Variants in GALNT14 observed in about 807,000 individuals in gnomAD.
The protein encoded by GALNT14 is UDP-GalNAc:polypeptide N-acetylgalactosaminyltransferase 14.
A neutral mutation model predicts 77.5 loss-of-function variants in GALNT14; 60 were observed. The observed-to-expected ratio is 0.77, with a 90% CI of 0.63 to 0.96. The LOEUF (loss-of-function observed/expected upper bound fraction) is 0.96, where lower values mean the gene tolerates loss of function less well. GALNT14 is among the 40% of genes least tolerant of loss of function. The pLI is 0.00. For synonymous variants in GALNT14, 280 were observed against 281.7 expected, an observed-to-expected ratio of 0.99 and a Z score of 0.06; for missense variants, 710 against 731.0, an observed-to-expected ratio of 0.97 and a Z score of 0.33.
the GALNT14 span, among the ~76,000 whole-genome samples, chr2:30,898,355 A>G: frequency 3.1e-4 from 47 of 152,272 alleles, no homozygotes; most frequent in African/African-American, 1.1e-3. Context: ...ACACTCACAG[A>G]CCCTGCCCTC....
chr2:30,892,033 C>T, the GALNT14 span, among the ~76,000 whole-genome samples: 1 of 152,132 alleles, frequency 6.6e-6, no homozygotes, highest in African/African-American at 2.4e-5. Context: ...TATTGCGATC[C>T]CACCAATGAA....
chr2:30,908,165 C>T (rs1201278826), downstream of GALNT14, among the ~76,000 whole-genome samples: 2 of 145,576 alleles, frequency 1.4e-5, no homozygotes, highest in South Asian at 2.3e-4. Flanking sequence ...CAGGGATGCC[C>T]TCTCTCACCA....
In GALNT14 at chr2:31,108,121, CAT is replaced by C. The variant is rs1677650343; in HGVS notation, c.129+29835_129+29836del. ...CACCATCTGCCTGGCTGTGAGCAAA[CAT>C]AGGCTCCCCAGCCAGGCAGTGTAAT... On this transcript the variant is annotated intron_variant, in intron 1 of 14. Coordinates refer to ENST00000349752, the MANE Select transcript of GALNT14 (RefSeq NM_024572.4). 1.3e-5 allele frequency among the ~76,000 whole-genome samples: 2 copies of C among 152,162 alleles called. 1 individual carries two copies. The highest frequency in any genetic ancestry group is 1.3e-4 in the Admixed American group (2 of 15,274).
chr2:30,950,075 T>G (rs1421083827), intron 6 of GALNT14, among the ~76,000 whole-genome samples: 2 of 152,192 alleles, frequency 1.3e-5, no homozygotes, highest in African/African-American at 4.8e-5. Context: ...CAAATTATTA[T>G]TTGCAAAACT....
intron 1 of GALNT14, among the ~76,000 whole-genome samples, chr2:31,128,033 G>C (rs1396881258): frequency 2.0e-5 from 3 of 152,076 alleles, no homozygotes; most frequent in African/African-American, 4.8e-5. Context: ...TTATTGTTTA[G>C]GCCATGTCAC....
chr2:30,950,448 C>T (rs1280320414), intron 6 of GALNT14, among the ~76,000 whole-genome samples: 2 of 152,172 alleles, frequency 1.3e-5, no homozygotes, highest in Non-Finnish European at 2.9e-5. Context: ...AAATCCCAAA[C>T]TCCAATTACA....
In GALNT14 at chr2:30,945,798, A is replaced by G. The variant is rs745364229; in HGVS notation, c.727T>C (p.Ser243Pro). 3 of 1,614,112 alleles carry G rather than the reference A, an allele frequency of 1.9e-6. No individual in the cohort carries two copies. In the Admixed American group the frequency reaches 5.0e-5, roughly 27 times the overall value. ...CCCAACTCACCCCCTCTGAGCTCCG[A>G]GGCAGACTCGATGTAGGTGAAGGTG... is the stretch of plus-strand genomic sequence containing the variant. Reference protein sequence around the residue: ...LDTFTYIESASELRGGFDWSL... With the variant: ...LDTFTYIESAPELRGGFDWSL... The change falls in exon 7 of 15, where the codon TCG becomes CCG. Residue 243 changes from serine (S) to proline (P), a missense_variant. Ser to Pro is a moderately conservative substitution (Grantham distance 74, BLOSUM62 -1). Transcript: ENST00000349752.
intron 1 of GALNT14, among the ~76,000 whole-genome samples, chr2:31,089,207 G>A (rs896206362): frequency 2.0e-5 from 3 of 152,052 alleles, no homozygotes; most frequent in African/African-American, 7.2e-5. Flanking sequence ...ATCTCAACTC[G>A]AGTGGGACAT....
At chr2:30,907,553 C>T (rs1429905600), downstream of GALNT14, among the ~76,000 whole-genome samples, 4 of 152,108 alleles carry the variant, frequency 2.6e-5, no homozygotes, top group African/African-American at 9.7e-5. Context: ...GGATCTGAAA[C>T]TGTGGCAATA....
At chr2:31,087,536 A>AGAGGAGCAGAGAGGAGAGG (rs1160670621) in intron 1 of GALNT14, among the ~76,000 whole-genome samples, 1 of 150,406 alleles carries the variant, frequency 6.6e-6, no homozygotes, top group Non-Finnish European at 1.5e-5. Flanking sequence ...CGAGGAGAGG[A>AGAGGAGCAGAGAGGAGAGG]AGACCTCTAG....
At chr2:31,101,490 A>T (rs572282526) in intron 1 of GALNT14, among the ~76,000 whole-genome samples, 66 of 150,374 alleles carry the variant, frequency 4.4e-4, no homozygotes, top group Admixed American at 1.2e-3. Flanking sequence ...TAAATTTTTT[A>T]AAAAAATTTC....
intron 1 of GALNT14, among the ~76,000 whole-genome samples, chr2:31,085,673 C>T (rs1676393402): frequency 6.6e-6 from 1 of 152,248 alleles, no homozygotes; most frequent in South Asian, 2.1e-4. Flanking sequence ...CTCTTCATTT[C>T]CTTTTGCTGC....
chr2:30,957,053 C>T (rs1301244062), intron 4 of GALNT14, among the ~76,000 whole-genome samples: 1 of 152,118 alleles, frequency 6.6e-6, no homozygotes, highest in Non-Finnish European at 1.5e-5. Context: ...GCTCCTCACT[C>T]CTTTGGTTCA....
chr2:30,957,592 A>G (rs1200523377), intron 4 of GALNT14, among the ~76,000 whole-genome samples: 2 of 151,866 alleles, frequency 1.3e-5, no homozygotes, highest in Admixed American at 6.6e-5. Context: ...CTTCTGCATC[A>G]CCCCCAGAGG....
chr2:31,126,954 TA>T (rs1678734674), intron 1 of GALNT14: 2 of 152,210 alleles, frequency 1.3e-5, no homozygotes, highest in South Asian at 4.1e-4. Context: ...AACCAGTGGC[TA>T]TATAAAGAAT....
chr2:31,068,521 A>G lies in GALNT14; in HGVS notation c.129+69437T>C, dbSNP rs112655030. Among the ~76,000 whole-genome samples the G allele has an allele frequency of 3.5e-3, 535 of 151,550 alleles. 3 individuals are homozygous for G. The highest frequency in any genetic ancestry group is 0.011 in the African/African-American group (446 of 41,324). ...AGACCCCGTCTCAAAAAAAAAAAAA[A>G]AAAAGAAAAGAAAAGAAAGGTCCAT... On this transcript the variant is annotated intron_variant, in intron 1 of 14. Transcript: ENST00000349752.
At position 31,118,059 on chromosome 2, in the gene GALNT14, T is replaced by C. The variant is rs144559954; in HGVS notation, c.129+19899A>G. On this transcript the variant is annotated intron_variant, in intron 1 of 14. Transcript: ENST00000349752. ...ACTTAAAGCAAGGGAGAATGTGAAATGCAATCTTGCTGTGTGCCCAAACAA... is the reference window on the plus strand; with the variant it reads ...ACTTAAAGCAAGGGAGAATGTGAAACGCAATCTTGCTGTGTGCCCAAACAA... 6.2e-4 allele frequency among the ~76,000 whole-genome samples: 94 copies of C among 152,324 alleles called. 1 individual carries two copies. Among genetic ancestry groups the C allele is most frequent in the African/African-American group, 2.2e-3 (90 of 41,584 alleles).
chr2:31,012,661 G>A (rs1205529304), intron 1 of GALNT14, among the ~76,000 whole-genome samples: 1 of 152,162 alleles, frequency 6.6e-6, no homozygotes, highest in African/African-American at 2.4e-5. Flanking sequence ...AGGGTGTGTA[G>A]GTCAAGCAAG....
chr2:30,990,513 T>G (rs915830332), intron 2 of GALNT14, among the ~76,000 whole-genome samples: 1 of 152,184 alleles, frequency 6.6e-6, no homozygotes, highest in Non-Finnish European at 1.5e-5. Flanking sequence ...AAGGGCCCAG[T>G]TGAAAGAAGA....
Sources: allele counts gnomAD v4.1 joint callset (sites outside exome capture counted in the v4.1 genomes callset), GRCh38; gene constraint gnomAD v4.1.1; transcripts MANE v1.5; gene names NCBI Gene and HGNC (gene_info 2026-07-23, HGNC 2026-07-21).